The following ADRA1D variants were observed in gnomAD, a reference collection of about 807,000 sequenced individuals.
The protein encoded by ADRA1D is adrenoceptor alpha 1D.
Under a neutral mutation model 18.6 loss-of-function variants are expected in ADRA1D, and 22 were observed. The ratio of observed to expected loss-of-function variants is 1.19; its 90% CI spans 0.85 to 1.69. ADRA1D has a LOEUF of 1.69. ADRA1D is among the 40% of genes most tolerant of loss of function. The probability of loss-of-function intolerance (pLI) is 0.00; values close to 1 mark genes in which losing one functional copy is unlikely to be tolerated. For synonymous variants in ADRA1D, 376 were observed against 388.2 expected (o/e 0.97, Z 0.37); for missense variants, 840 against 840.7 (o/e 1.00, Z 0.01).
At position 4,244,598 on chromosome 20, in the gene ADRA1D, G is replaced by A. The variant is rs575383221; in HGVS notation, c.1111+3249C>T. Among the ~76,000 whole-genome samples, 3 of 152,222 alleles carry A rather than the reference G, an allele frequency of 2.0e-5. No individual in the cohort carries two copies. The South Asian group carries it at 6.2e-4, about 32-fold the overall frequency. On this transcript the variant is annotated intron_variant, in intron 1 of 1. Transcript: ENST00000379453. ...CCACACCAACATATACCAGCCCCTG[G>A]GGGTCCACATTCCCCCCAAAAGTTG...
chr20:4,225,260 A>G (rs1910685868), intron 1 of ADRA1D, among the ~76,000 whole-genome samples: 1 of 151,554 alleles, frequency 6.6e-6, no homozygotes, highest in Admixed American at 6.6e-5. Context: ...CAGCCTCCCA[A>G]AGTGCTGGGA....
At chr20:4,237,459 GAAA>G (rs35448645) in intron 1 of ADRA1D, among the ~76,000 whole-genome samples, 1 of 136,752 alleles carries the variant, frequency 7.3e-6, no homozygotes, top group Non-Finnish European at 1.6e-5. Flanking sequence ...TCCATCTCTT[GAAA>G]AAAAAAAAAA....
chr20:4,247,842 C>A lies in ADRA1D; in HGVS notation c.1111+5G>T. On this transcript the variant is annotated splice_donor_5th_base_variant and intron_variant, in intron 1 of 1. Transcript: ENST00000379453. ...GGAGGGGCCGGTGGGAGAGGGGTCA[C>A]TCACCGAGCGGCAGGACAAAGAAGA... 1 of 1,530,094 alleles carries A rather than the reference C, an allele frequency of 6.5e-7. No individual in the cohort carries two copies. The highest frequency in any genetic ancestry group is 8.8e-7 in the Non-Finnish European group (1 of 1,139,188). 94.8% of individuals were successfully genotyped at this position (1,530,094 alleles called of 1,614,324 possible). A position where few individuals can be genotyped will look rare whatever the true frequency, so the allele number is the denominator to read the frequency against.
chr20:4,225,004 T>G (rs1352593443), intron 1 of ADRA1D, among the ~76,000 whole-genome samples: 2 of 149,650 alleles, frequency 1.3e-5, no homozygotes, highest in African/African-American at 4.9e-5. Context: ...TTTTTTTTTT[T>G]TTTTTTTTTT....
chr20:4,234,041 G>T (rs1413659343), intron 1 of ADRA1D, among the ~76,000 whole-genome samples: 1 of 152,240 alleles, frequency 6.6e-6, no homozygotes, highest in East Asian at 1.9e-4. Context: ...CTGGTCAGAA[G>T]AGGTGAGGCC....
At chr20:4,245,223 A>G (rs1600852884) in intron 1 of ADRA1D, among the ~76,000 whole-genome samples, 1 of 152,252 alleles carries the variant, frequency 6.6e-6, no homozygotes, top group East Asian at 1.9e-4. Context: ...TCTCAAATGT[A>G]CTGCTGTGAA....
intron 1 of ADRA1D, among the ~76,000 whole-genome samples, chr20:4,224,993 G>GTTTTTTTTTTT (rs562415272): frequency 8.3e-6 from 1 of 120,096 alleles, no homozygotes; most frequent in East Asian, 2.8e-4. Flanking sequence ...GGCCATCTAA[G>GTTTTTTTTTTT]TTTTTTTTTT....
In ADRA1D at chr20:4,248,738, T is replaced by G. The variant is rs1263056116; in HGVS notation, c.220A>C (p.Ser74Arg). 4.6e-6 allele frequency: 7 copies of G among 1,528,148 alleles called. No homozygotes were observed. In the Admixed American group the frequency reaches 1.4e-4, roughly 31 times the overall value. The allele number at this position is 1,528,148 out of a possible 1,614,324, so 94.7% of individuals were successfully genotyped here. A position where few individuals can be genotyped will look rare whatever the true frequency, so the allele number is the denominator to read the frequency against. The stretch of plus-strand genomic sequence containing the variant: ...TTCACGTCGCCGCCCGCGCCCGCGC[T>G]CCCCGGCTCCCCCGCGGAGCTCCGG... ...DNRSSAGEPG[S>R]AGAGGDVNGT... The change falls in exon 1 of 2, where the codon AGC becomes CGC. Residue 74 changes from serine to arginine, a missense_variant. Physicochemically the swap from Ser to Arg is moderately radical, Grantham distance 110. Transcript: ENST00000379453.
intron 1 of ADRA1D, among the ~76,000 whole-genome samples, chr20:4,226,677 A>C (rs965032444): frequency 1.3e-5 from 2 of 152,226 alleles, no homozygotes; most frequent in Non-Finnish European, 2.9e-5. Flanking sequence ...AATGCAGGCA[A>C]GTGCTCTAAC....
At chr20:4,235,994 C>G (rs925586386) in intron 1 of ADRA1D, among the ~76,000 whole-genome samples, 1 of 152,192 alleles carries the variant, frequency 6.6e-6, no homozygotes, top group African/African-American at 2.4e-5. Context: ...AAGATCCCCT[C>G]TTGGCCGGTA....
Position 4,221,397 on chromosome 20 carries a change from C to T in ADRA1D, c.*126G>A. The T allele has an allele frequency of 9.2e-7, 1 of 1,088,038 alleles. No homozygotes were observed. The highest frequency in any genetic ancestry group is 1.3e-6 in the Non-Finnish European group (1 of 762,072). 67.4% of individuals were successfully genotyped at this position (1,088,038 alleles called of 1,614,324 possible). A position where few individuals can be genotyped will look rare whatever the true frequency, so the allele number is the denominator to read the frequency against. On this transcript the variant is annotated 3_prime_UTR_variant, in exon 2 of 2. Coordinates refer to ENST00000379453, the MANE Select transcript of ADRA1D (RefSeq NM_000678.4). ...TCTGCCCAGTTCCTCAGGGATGTCA[C>T]AGAGCAGCTGCCCTGATCAGTTTCC... is the stretch of plus-strand genomic sequence containing the variant.
At chr20:4,225,428 CTTT>C (rs11474446) in intron 1 of ADRA1D, among the ~76,000 whole-genome samples, 8 of 119,532 alleles carry the variant, frequency 6.7e-5, no homozygotes, top group African/African-American at 1.6e-4. Flanking sequence ...TTTTTTCTTT[CTTT>C]TTTTTTTTTT....
intron 1 of ADRA1D, among the ~76,000 whole-genome samples, chr20:4,226,848 G>A (rs957794743): frequency 8.5e-5 from 13 of 152,300 alleles, no homozygotes; most frequent in South Asian, 2.1e-4. Flanking sequence ...CGCAGGCAGC[G>A]GCTCTCAAGA....
At position 4,248,914 on chromosome 20, in the gene ADRA1D, C is replaced by A. The variant is rs1600854778; in HGVS notation, c.44G>T (p.Arg15Leu). 1 of 1,336,898 alleles carries A rather than the reference C, an allele frequency of 7.5e-7. No homozygotes were observed. Among genetic ancestry groups the A allele is most frequent in the Non-Finnish European group, 9.7e-7 (1 of 1,031,868 alleles). 82.8% of individuals were successfully genotyped at this position (1,336,898 alleles called of 1,614,324 possible). A position where few individuals can be genotyped will look rare whatever the true frequency, so the allele number is the denominator to read the frequency against. Residue 15 changes from arginine to leucine, a missense_variant, in exon 1 of 2, where the codon CGC becomes CTC. Transcript: ENST00000379453. ...GGAGCCCCCTGCGCTGCTGTCCGGGCGGGGTCCCTCGAAACTGACGCTCAG... is the reference window on the plus strand; with the variant it reads ...GGAGCCCCCTGCGCTGCTGTCCGGGAGGGGTCCCTCGAAACTGACGCTCAG... ...DLLSVSFEGP[R>L]PDSSAGGSSA...
intron 1 of ADRA1D, among the ~76,000 whole-genome samples, chr20:4,238,065 T>C (rs1373275476): frequency 1.4e-5 from 2 of 145,282 alleles, no homozygotes; most frequent in Non-Finnish European, 3.0e-5. Context: ...CTGGCCAACA[T>C]GGTGAAACCC....
rs1033863782 is a variant in ADRA1D at position 4,222,258 on chromosome 20, G to C, written c.1112-128C>G. ...TTGACTAGGAGTTCTCAAGGGATCC[G>C]TGCTGTAAATCAGGAGGTCCATGAA... On this transcript the variant is annotated intron_variant, in intron 1 of 1. Coordinates refer to ENST00000379453, the MANE Select transcript of ADRA1D (RefSeq NM_000678.4). This position sits in a 1 kb window ranked among gnomAD's most constrained non-coding sequence, Gnocchi z 4.3. 6 of 1,328,194 alleles carry C rather than the reference G, an allele frequency of 4.5e-6. No homozygotes were observed. The African/African-American group carries it at 4.6e-5, about 10-fold the overall frequency. The allele number at this position is 1,328,194 out of a possible 1,614,324, so 82.3% of individuals were successfully genotyped here. A position where few individuals can be genotyped will look rare whatever the true frequency, so the allele number is the denominator to read the frequency against.
chr20:4,247,388 G>A (rs898363693), intron 1 of ADRA1D, among the ~76,000 whole-genome samples: 4 of 152,148 alleles, frequency 2.6e-5, no homozygotes, highest in Admixed American at 6.5e-5. Context: ...CTGGGGAAAA[G>A]CGGGTGGCTT....
At chr20:4,231,846 A>T (rs747697511) in intron 1 of ADRA1D, among the ~76,000 whole-genome samples, 15 of 151,662 alleles carry the variant, frequency 9.9e-5, no homozygotes, top group Non-Finnish European at 1.9e-4. Context: ...AGGCACAGCC[A>T]CTCCCTTTGT....
At position 4,248,103 on chromosome 20, in the gene ADRA1D, C is replaced by T. The variant is rs1374851849; in HGVS notation, c.855G>A (p.Thr285=). 1.9e-6 allele frequency: 3 copies of T among 1,557,180 alleles called. No homozygotes were observed. The highest frequency in any genetic ancestry group is 2.6e-6 in the Non-Finnish European group (3 of 1,150,774). Residue 285 remains threonine (T), a synonymous_variant, in exon 1 of 2, where the codon ACG becomes ACA. Transcript: ENST00000379453. The stretch of plus-strand genomic sequence containing the variant: ...GCTTGACGCCCGCCTCGAGGCTGCG[C>T]GTGGTGCTGCGCGCGACCACGTACA... ...CRVYVVARST[T]RSLEAGVKRE...
Sources: gnomAD v4.1 joint callset for allele counts (sites outside exome capture counted in the v4.1 genomes callset) on GRCh38, gnomAD v4.1.1 for gene constraint, Gnocchi (gnomAD v3.1) non-coding constraint, MANE v1.5 for transcripts, NCBI Gene and HGNC (gene_info 2026-07-23, HGNC 2026-07-21) for gene names.